Variants in MGMT observed in about 807,000 individuals in gnomAD.
The protein encoded by MGMT is O-6-methylguanine-DNA methyltransferase.
Under a neutral mutation model 15.9 loss-of-function variants are expected in MGMT, and 14 were observed. The observed-to-expected ratio is 0.88, with a 90% CI of 0.58 to 1.37. The LOEUF (loss-of-function observed/expected upper bound fraction) is 1.37. MGMT is among the 40% of genes most tolerant of loss of function. The pLI, the probability that MGMT is intolerant of heterozygous loss-of-function variation, is 0.00. For missense variants in MGMT, 282 were observed against 268.1 expected (o/e 1.05, Z -0.36); for synonymous variants, 130 against 118.2 (o/e 1.10, Z -0.65).
chr10:129,494,898 A>G (rs1209670338), intron 1 of MGMT, among the ~76,000 whole-genome samples: 2 of 152,180 alleles, frequency 1.3e-5, no homozygotes, highest in African/African-American at 4.8e-5. Context: ...CAGATCACCA[A>G]CTTCCTTCTC....
intron 3 of MGMT, among the ~76,000 whole-genome samples, chr10:129,720,954 A>AGCAAGAAAAATATGTAAATAAATACATTT (rs59492894): frequency 5.5e-4 from 83 of 150,266 alleles, no homozygotes; most frequent in Non-Finnish European, 8.3e-4. Flanking sequence ...AAAAAAAAAA[A>AGCAAGAAAAATATGTAAATAAATACATTT]GCAAGAAAAA....
intron 2 of MGMT, among the ~76,000 whole-genome samples, chr10:129,646,754 A>ATTTTTTTTTTTT (rs1554873525): frequency 1.8e-4 from 16 of 86,644 alleles, no homozygotes; most frequent in East Asian, 1.0e-3. Flanking sequence ...ATATATATAT[A>ATTTTTTTTTTTT]TTTTCAGGGA....
intron 1 of MGMT, among the ~76,000 whole-genome samples, chr10:129,481,103 T>C (rs1201320052): frequency 6.6e-6 from 1 of 152,216 alleles, no homozygotes; most frequent in Non-Finnish European, 1.5e-5. Flanking sequence ...GAGTTTGGTG[T>C]CAATATCTTG....
chr10:129,679,252 T>G (rs1847820309), intron 2 of MGMT, among the ~76,000 whole-genome samples: 3 of 152,170 alleles, frequency 2.0e-5, no homozygotes, highest in Admixed American at 2.0e-4. Context: ...GCGGTCCTTG[T>G]GTGCTTGAGG....
intron 1 of MGMT, among the ~76,000 whole-genome samples, chr10:129,484,695 G>C (rs1845391090): frequency 6.6e-6 from 1 of 152,102 alleles, no homozygotes; most frequent in South Asian, 2.1e-4. Context: ...TTTTGTTGTG[G>C]AGTGCTAGAT....
intron 2 of MGMT, among the ~76,000 whole-genome samples, chr10:129,707,143 G>A (rs58777877): frequency 0.013 from 1,902 of 152,154 alleles, 39 homozygotes; most frequent in African/African-American, 0.043. Flanking sequence ...TGGCCGTGGT[G>A]GCAGTCGCCT....
intron 2 of MGMT, among the ~76,000 whole-genome samples, chr10:129,630,143 C>A (rs192547041): frequency 6.6e-6 from 1 of 152,316 alleles, no homozygotes; most frequent in Non-Finnish European, 1.5e-5. Flanking sequence ...CCTGCGTGCT[C>A]CGGGCACCCA....
intron 3 of MGMT, among the ~76,000 whole-genome samples, chr10:129,732,557 T>C (rs1047926326): frequency 8.6e-5 from 13 of 152,032 alleles, no homozygotes; most frequent in African/African-American, 3.1e-4. Flanking sequence ...GGCATTTTTT[T>C]TAATTTATTA....
At chr10:129,633,854 G>A (rs114846591) in intron 2 of MGMT, among the ~76,000 whole-genome samples, 10 of 152,300 alleles carry the variant, frequency 6.6e-5, no homozygotes, top group African/African-American at 1.9e-4. Flanking sequence ...AAATATATTA[G>A]TCTCTGTCTC....
intron 2 of MGMT, among the ~76,000 whole-genome samples, chr10:129,554,836 T>C (rs1846195157): frequency 6.6e-6 from 1 of 152,156 alleles, no homozygotes; most frequent in South Asian, 2.1e-4. Context: ...CAGTGGCCCA[T>C]AGCTCAGAAG....
chr10:129,635,373 C>T (rs780002353), intron 2 of MGMT, among the ~76,000 whole-genome samples: 3 of 152,242 alleles, frequency 2.0e-5, no homozygotes, highest in Non-Finnish European at 4.4e-5. Flanking sequence ...AGTTTGGGAG[C>T]TGGCCAGGCC....
intron 1 of MGMT, among the ~76,000 whole-genome samples, chr10:129,470,503 G>T (rs902691924): frequency 2.0e-5 from 3 of 152,206 alleles, no homozygotes; most frequent in Non-Finnish European, 4.4e-5. Context: ...CTATTGAAGT[G>T]ATTTATGAAG....
At position 129,566,799 on chromosome 10, in the gene MGMT, C is replaced by T. The variant is rs947445800; in HGVS notation, c.125+30422C>T. Reference sequence around the variant, plus strand: ...TCCCTCTGATTCCACGGAGGAGCTGCGGAAAGTCCACATTTTTGAAGAGCT... The same window carrying T: ...TCCCTCTGATTCCACGGAGGAGCTGTGGAAAGTCCACATTTTTGAAGAGCT... On this transcript the variant is annotated intron_variant, in intron 2 of 4. Transcript: ENST00000651593. The surrounding 1 kb of genome is among the most constrained non-coding windows in gnomAD (Gnocchi z 4.1). 5.3e-5 allele frequency among the ~76,000 whole-genome samples: 8 copies of T among 152,122 alleles called. No individual in the cohort carries two copies. Among genetic ancestry groups the T allele is most frequent in the Non-Finnish European group, 7.3e-5 (5 of 68,030 alleles).
intron 2 of MGMT, among the ~76,000 whole-genome samples, chr10:129,627,431 G>GA (rs1564741608): frequency 1.6e-5 from 1 of 61,346 alleles, no homozygotes; most frequent in Non-Finnish European, 4.7e-5. Flanking sequence ...AAGAAAGAAA[G>GA]AAAAAAGCAG....
At position 129,566,269 on chromosome 10, in the gene MGMT, C is replaced by T. The variant is rs1264256801; in HGVS notation, c.125+29892C>T. On this transcript the variant is annotated intron_variant, in intron 2 of 4. Coordinates refer to ENST00000651593, the MANE Select transcript of MGMT (RefSeq NM_002412.5). This position sits in a 1 kb window ranked among gnomAD's most constrained non-coding sequence, Gnocchi z 4.1. ...CTCGGGACACAGAGCTCCTGGAGGCCGAGCACAAGCCTTGGGCAGAGGTGA... is the reference window on the plus strand; with the variant it reads ...CTCGGGACACAGAGCTCCTGGAGGCTGAGCACAAGCCTTGGGCAGAGGTGA... Among the ~76,000 whole-genome samples, 3 of 152,152 alleles carry T rather than the reference C, an allele frequency of 2.0e-5. No homozygotes were observed. Among genetic ancestry groups the T allele is most frequent in the Non-Finnish European group, 4.4e-5 (3 of 68,034 alleles).
intron 1 of MGMT, among the ~76,000 whole-genome samples, chr10:129,534,554 A>C (rs376907582): frequency 1.6e-4 from 24 of 152,022 alleles, no homozygotes; most frequent in African/African-American, 5.1e-4. Context: ...TGGTCCCTTT[A>C]AGGGACATAA....
At chr10:129,504,072 A>G (rs541944299) in intron 1 of MGMT, among the ~76,000 whole-genome samples, 2 of 152,336 alleles carry the variant, frequency 1.3e-5, no homozygotes, top group South Asian at 4.1e-4. Flanking sequence ...AAATTCCTGG[A>G]TAATATCCAT....
chr10:129,651,992 C>T (rs1230106543), intron 2 of MGMT, among the ~76,000 whole-genome samples: 1 of 152,212 alleles, frequency 6.6e-6, no homozygotes, highest in African/African-American at 2.4e-5. Flanking sequence ...GCCAGGATCA[C>T]TTGCTTCACC....
At chr10:129,674,214 A>G (rs1249412928) in intron 2 of MGMT, among the ~76,000 whole-genome samples, 1 of 152,144 alleles carries the variant, frequency 6.6e-6, no homozygotes, top group Non-Finnish European at 1.5e-5. Context: ...TTTTATTCTA[A>G]TTCTGAGGTT....
Sources: allele counts gnomAD v4.1 joint callset (sites outside exome capture counted in the v4.1 genomes callset), GRCh38; gene constraint gnomAD v4.1.1; non-coding constraint Gnocchi (gnomAD v3.1); transcripts MANE v1.5; gene names NCBI Gene and HGNC (gene_info 2026-07-23, HGNC 2026-07-21).